The following RGMA variants were observed in gnomAD, a reference collection of about 807,000 sequenced individuals.
The protein encoded by RGMA is repulsive guidance molecule A.
A neutral mutation model predicts 23.2 loss-of-function variants in RGMA; 10 were observed. That is an observed-to-expected ratio of 0.43 (90% CI 0.27 to 0.73). RGMA has a LOEUF of 0.73. Among genes scored for constraint, RGMA ranks in the 30% least tolerant of loss-of-function variants. RGMA has a pLI of 0.20. For synonymous variants in RGMA, 308 were observed against 279.3 expected, an observed-to-expected ratio of 1.10 and a Z score of -1.03; for missense variants, 547 against 630.5, an observed-to-expected ratio of 0.87 and a Z score of 1.42.
rs1323819399 is a variant in RGMA at position 93,039,086 on chromosome 15, C to G, written c.*5912G>C. The G allele has an allele frequency of 6.6e-6, 1 of 152,218 alleles. No individual in the cohort carries two copies. Among genetic ancestry groups the G allele is most frequent in the Non-Finnish European group, 1.5e-5 (1 of 68,046 alleles). 9.4% of individuals were successfully genotyped at this position (152,218 alleles called of 1,614,324 possible). On this transcript the variant is annotated 3_prime_UTR_variant, in exon 4 of 4. Coordinates refer to ENST00000329082, the MANE Select transcript of RGMA (RefSeq NM_020211.3). ...GGCAGAGGAATGTGGAAGGGCTAGA[C>G]TGGACGAGTCTTCTGGCCTTCATCT...
rs759503261 is a variant in RGMA, at chr15:93,045,489, G to A, written c.862C>T (p.Arg288Cys). 17 of 1,613,082 alleles carry A rather than the reference G, an allele frequency of 1.1e-5. No homozygotes were observed. The highest frequency in any genetic ancestry group is 6.6e-5 in the South Asian group (6 of 91,084). ...GTTIVVRQVG[R>C]YLTFAVRMPE... Reference sequence around the variant, plus strand: ...ATGCGGACGGCAAAGGTCAGGTAGCGGCCCACCTGGCGCACCACGATGGTG... The same window carrying A: ...ATGCGGACGGCAAAGGTCAGGTAGCAGCCCACCTGGCGCACCACGATGGTG... The change falls in exon 4 of 4, where the codon CGC becomes TGC. Residue 288 changes from arginine (R) to cysteine (C), a missense_variant. By Grantham distance (180) the Arg-to-Cys change is radical (BLOSUM62 -3). Transcript: ENST00000329082. This position sits in a 1 kb window ranked among gnomAD's most constrained non-coding sequence, Gnocchi z 6.9.
Position 93,089,028 on chromosome 15 carries a change from G to A in RGMA, c.-96C>T. 1 of 714,982 alleles carries A rather than the reference G, an allele frequency of 1.4e-6. No homozygotes were observed. 44.3% of individuals were successfully genotyped at this position (714,982 alleles called of 1,614,324 possible). A position where few individuals can be genotyped will look rare whatever the true frequency, so the allele number is the denominator to read the frequency against. On this transcript the variant is annotated 5_prime_UTR_variant, in exon 1 of 4. Coordinates refer to ENST00000329082, the MANE Select transcript of RGMA (RefSeq NM_020211.3). Reference sequence around the variant, plus strand: ...CGTCTGCCCCGGGGCAAGGTGGGAGGGGCTCCGCTGGCGCTGGTCCCCGCC... The same window carrying A: ...CGTCTGCCCCGGGGCAAGGTGGGAGAGGCTCCGCTGGCGCTGGTCCCCGCC...
intron 1 of RGMA, among the ~76,000 whole-genome samples, chr15:93,087,557 C>T (rs1895659135): frequency 6.6e-6 from 1 of 151,168 alleles, no homozygotes; most frequent in Admixed American, 6.6e-5. Flanking sequence ...CAGTTCTCCT[C>T]CTGTTGCCCT....
intron 1 of RGMA, chr15:93,088,462 C>A (rs1895678524): frequency 2.0e-6 from 2 of 987,010 alleles, no homozygotes; most frequent in Non-Finnish European, 1.2e-6. Flanking sequence ...CGGTGCACTG[C>A]GCCGACATCC....
In RGMA at chr15:93,035,464, A is replaced by C. The variant is rs140715285; in HGVS notation, c.*9534T>G. 1 of 152,234 alleles carries C rather than the reference A, an allele frequency of 6.6e-6. No individual in the cohort carries two copies. The highest frequency in any genetic ancestry group is 2.4e-5 in the African/African-American group (1 of 41,426). 9.4% of individuals were successfully genotyped at this position (152,234 alleles called of 1,614,324 possible). A position where few individuals can be genotyped will look rare whatever the true frequency, so the allele number is the denominator to read the frequency against. On this transcript the variant is annotated 3_prime_UTR_variant, in exon 4 of 4. Coordinates refer to ENST00000329082, the MANE Select transcript of RGMA (RefSeq NM_020211.3). ...GGGCTCAGTGGATGGAAAACCTCTT[A>C]AGAGGAAACACCTGGGGGGATTCTT...
At chr15:93,086,172 C>T (rs939017681) in intron 1 of RGMA, among the ~76,000 whole-genome samples, 2 of 152,078 alleles carry the variant, frequency 1.3e-5, no homozygotes, top group African/African-American at 4.8e-5. Flanking sequence ...AAGCCATTCC[C>T]TAAAAGAGCC....
At chr15:93,051,175 A>G (rs920959917) in intron 3 of RGMA, among the ~76,000 whole-genome samples, 14 of 152,196 alleles carry the variant, frequency 9.2e-5, no homozygotes, top group African/African-American at 3.1e-4. Context: ...AGTGGCAGGG[A>G]TGGAGCATTT....
rs8034674 is a variant in RGMA, at chr15:93,043,190, A to G, written c.*1808T>C. On this transcript the variant is annotated 3_prime_UTR_variant, in exon 4 of 4. Transcript: ENST00000329082. ...CATGCGCACACACATGCCTACATGC[A>G]CACACATAGGCATGGGCGCACACAC... 6 of 152,218 alleles carry G rather than the reference A, an allele frequency of 3.9e-5. No individual in the cohort carries two copies. Among genetic ancestry groups the G allele is most frequent in the Admixed American group, 3.9e-4 (6 of 15,276 alleles). 9.4% of individuals were successfully genotyped at this position (152,218 alleles called of 1,614,324 possible).
Position 93,072,939 on chromosome 15 carries a change from A to T in RGMA, c.107T>A (p.Phe36Tyr). The T allele has an allele frequency of 6.2e-7, 1 of 1,608,008 alleles. No individual in the cohort carries two copies. The highest frequency in any genetic ancestry group is 8.5e-7 in the Non-Finnish European group (1 of 1,177,898). ...ACCTGCGGGGAAGCTGCAGAGAAGG[A>T]AGGCGAGGGTCGGCCAGAATCCCAG... ...SALGFWPTLA[F>Y]LLCSFPAATS... The change falls in exon 2 of 4, where the codon TTC becomes TAC. Residue 36 changes from phenylalanine (F) to tyrosine (Y), a missense_variant. Physicochemically the swap from Phe to Tyr is conservative, Grantham distance 22. This residue lies in a region of RGMA where 214 missense variants were observed against 234.7 expected (regional missense o/e 0.91). Coordinates refer to ENST00000329082, the MANE Select transcript of RGMA (RefSeq NM_020211.3).
At chr15:93,073,280 C>T in intron 1 of RGMA, 1 of 867,710 alleles carries the variant, frequency 1.2e-6, no homozygotes, top group Non-Finnish European at 1.5e-6. Flanking sequence ...GCTCGGGTTT[C>T]AGCGAGGCCG....
At position 93,048,584 on chromosome 15, in the gene RGMA, T is replaced by C. The variant is rs373627739; in HGVS notation, c.646-2879A>G. 1.2e-4 allele frequency among the ~76,000 whole-genome samples: 19 copies of C among 152,204 alleles called. No individual in the cohort carries two copies. In the East Asian group the frequency reaches 3.5e-3, roughly 28 times the overall value. ...AGCCTGGCCGCAGGACACGGCACAC[T>C]TCCCATTTGCCGTGGGATGTCAAAG... is the stretch of plus-strand genomic sequence containing the variant. On this transcript the variant is annotated intron_variant, in intron 3 of 3. Transcript: ENST00000329082.
At chr15:93,070,248 G>A (rs1213513624) in intron 2 of RGMA, among the ~76,000 whole-genome samples, 2 of 152,206 alleles carry the variant, frequency 1.3e-5, no homozygotes, top group Non-Finnish European at 2.9e-5. Flanking sequence ...CTGAGGTGAA[G>A]GCATCTTTCT....
intron 2 of RGMA, among the ~76,000 whole-genome samples, chr15:93,060,812 G>A (rs1194354921): frequency 6.6e-6 from 1 of 152,238 alleles, no homozygotes; most frequent in African/African-American, 2.4e-5. Context: ...GGGCAGGGCT[G>A]GCCCCTCCTG....
rs1196706424 is a variant in RGMA at position 93,072,938 on chromosome 15, G to C, written c.108C>G (p.Phe36Leu). 1.2e-6 allele frequency: 2 copies of C among 1,608,350 alleles called. No individual in the cohort carries two copies. The highest frequency in any genetic ancestry group is 2.2e-5 in the South Asian group (2 of 89,688). The change falls in exon 2 of 4, where the codon TTC becomes TTG. Residue 36 changes from phenylalanine to leucine, a missense_variant. Coordinates refer to ENST00000329082, the MANE Select transcript of RGMA (RefSeq NM_020211.3). Reference protein sequence around the residue: ...SALGFWPTLAFLLCSFPAATS... With the variant: ...SALGFWPTLALLLCSFPAATS... ...TACCTGCGGGGAAGCTGCAGAGAAG[G>C]AAGGCGAGGGTCGGCCAGAATCCCA...
rs1042962051 is a variant in RGMA, at chr15:93,088,606, G to T, written c.14+313C>A. 62 of 1,063,616 alleles carry T rather than the reference G, an allele frequency of 5.8e-5. 1 individual carries two copies. Among genetic ancestry groups the T allele is most frequent in the Non-Finnish European group, 3.0e-5 (26 of 866,540 alleles). 65.9% of individuals were successfully genotyped at this position (1,063,616 alleles called of 1,614,324 possible). ...GGCTCCGTCCGGGGCTCCGCGAGCC[G>T]GGCTGAGGGAAGGAGCTCCCAGCCC... is the stretch of plus-strand genomic sequence containing the variant. On this transcript the variant is annotated intron_variant, in intron 1 of 3. Coordinates refer to ENST00000329082, the MANE Select transcript of RGMA (RefSeq NM_020211.3).
Position 93,052,600 on chromosome 15 carries a change from G to A in RGMA, c.131-93C>T, listed in dbSNP as rs570047281. 1.7e-4 allele frequency: 233 copies of A among 1,350,556 alleles called. 3 individuals carry two copies. In the South Asian group the frequency reaches 3.1e-3, roughly 18 times the overall value. The allele number at this position is 1,350,556 out of a possible 1,614,324, so 83.7% of individuals were successfully genotyped here. On this transcript the variant is annotated intron_variant, in intron 2 of 3. Coordinates refer to ENST00000329082, the MANE Select transcript of RGMA (RefSeq NM_020211.3). ...TGGGCCAGGGGAGCAGCCACACATCGCCTCATCTAGGGCAGAGCCACCCAT... is the reference window on the plus strand; with the variant it reads ...TGGGCCAGGGGAGCAGCCACACATCACCTCATCTAGGGCAGAGCCACCCAT...
At chr15:93,073,692 C>T (rs1428005204) in intron 1 of RGMA, 2 of 1,537,244 alleles carry the variant, frequency 1.3e-6, no homozygotes, top group Non-Finnish European at 1.7e-6. Context: ...GGCAGGATGG[C>T]TCTCTGCATC....
rs1226023874 is a variant in RGMA at position 93,041,670 on chromosome 15, C to T, written c.*3328G>A. On this transcript the variant is annotated 3_prime_UTR_variant, in exon 4 of 4. Transcript: ENST00000329082. ...ACTGTTCTCTGTGCCGGACGAGCAC[C>T]AATGGCTCCGCTCCTCCTTGCTGCC... 2 of 152,198 alleles carry T rather than the reference C, an allele frequency of 1.3e-5. No individual in the cohort carries two copies. Among genetic ancestry groups the T allele is most frequent in the Admixed American group, 6.5e-5 (1 of 15,278 alleles). 9.4% of individuals were successfully genotyped at this position (152,198 alleles called of 1,614,324 possible). A position where few individuals can be genotyped will look rare whatever the true frequency, so the allele number is the denominator to read the frequency against.
intron 2 of RGMA, chr15:93,065,743 TG>T: frequency 8.4e-7 from 1 of 1,190,686 alleles, no homozygotes; most frequent in Non-Finnish European, 1.2e-6. Flanking sequence ...AGCGGGACCG[TG>T]GCTGGGCTTG....
Sources: allele counts gnomAD v4.1 joint callset (sites outside exome capture counted in the v4.1 genomes callset), GRCh38; gene constraint gnomAD v4.1.1; regional missense constraint gnomAD v4.1.1; non-coding constraint Gnocchi (gnomAD v3.1); transcripts MANE v1.5; gene names NCBI Gene and HGNC (gene_info 2026-07-23, HGNC 2026-07-21).